Variants in QTMAN observed in about 807,000 individuals in gnomAD.
QTMAN encodes the protein tRNA-queuosine alpha-mannosyltransferase.
chr2:144,329,030 G>A, the QTMAN span, among the ~76,000 whole-genome samples: 7 of 151,788 alleles, frequency 4.6e-5, no homozygotes, highest in East Asian at 1.9e-4. Context: ...AAGCCAAGGC[G>A]GGCGATCGAG....
chr2:144,134,838 G>A, the QTMAN span, among the ~76,000 whole-genome samples: 2 of 151,546 alleles, frequency 1.3e-5, no homozygotes, highest in South Asian at 4.2e-4. Context: ...TAAACAAGTG[G>A]GTGTTTTTTT....
chr2:144,132,069 A>G, the QTMAN span, among the ~76,000 whole-genome samples: 2 of 151,934 alleles, frequency 1.3e-5, no homozygotes, highest in Admixed American at 6.6e-5. Flanking sequence ...GTGAATATTC[A>G]CCTGAATATG....
the QTMAN span, among the ~76,000 whole-genome samples, chr2:143,991,539 C>T: frequency 1.2e-4 from 17 of 144,018 alleles, no homozygotes; most frequent in East Asian, 6.5e-4. Flanking sequence ...CCCGGCCAGC[C>T]GCCCCGTCCG....
chr2:143,994,308 G>T, the QTMAN span, among the ~76,000 whole-genome samples: 1 of 152,006 alleles, frequency 6.6e-6, no homozygotes, highest in Non-Finnish European at 1.5e-5. Flanking sequence ...AAATTAGTAG[G>T]TATTTAAAAT....
chr2:144,310,853 T>C, the QTMAN span, among the ~76,000 whole-genome samples: 1 of 152,212 alleles, frequency 6.6e-6, no homozygotes, highest in African/African-American at 2.4e-5. Context: ...AATATCCATA[T>C]GGAGATGTCA....
At chr2:143,960,671 A>G in the QTMAN span, among the ~76,000 whole-genome samples, 8 of 152,110 alleles carry the variant, frequency 5.3e-5, no homozygotes, top group African/African-American at 1.9e-4. Context: ...TGACAGGATA[A>G]AAAACACACA....
chr2:144,133,817 A>G, the QTMAN span, among the ~76,000 whole-genome samples: 1 of 151,742 alleles, frequency 6.6e-6, no homozygotes, highest in African/African-American at 2.4e-5. Context: ...AATTATTCTG[A>G]AGAGCCAAAA....
the QTMAN span, among the ~76,000 whole-genome samples, chr2:144,162,530 GC>G: frequency 6.6e-6 from 1 of 152,082 alleles, no homozygotes. Context: ...CCCAGAAGGT[GC>G]CTATAGAATA....
At chr2:144,169,181 ACACC>A in the QTMAN span, among the ~76,000 whole-genome samples, 2 of 152,152 alleles carry the variant, frequency 1.3e-5, no homozygotes, top group Non-Finnish European at 2.9e-5. Context: ...TGCCTAAGGC[ACACC>A]CAAGACCATT....
the QTMAN span, chr2:143,957,338 A>G: frequency 3.7e-5 from 59 of 1,578,022 alleles, no homozygotes; most frequent in African/African-American, 7.7e-4. Flanking sequence ...CTGAAAAAAT[A>G]TCTTTTAAAA....
At chr2:144,288,142 T>C in the QTMAN span, among the ~76,000 whole-genome samples, 12 of 152,164 alleles carry the variant, frequency 7.9e-5, no homozygotes, top group African/African-American at 2.7e-4. Context: ...GTGCTGGGAT[T>C]ACAGGCGTGA....
the QTMAN span, among the ~76,000 whole-genome samples, chr2:144,172,594 A>G: frequency 6.8e-6 from 1 of 147,104 alleles, no homozygotes; most frequent in Non-Finnish European, 1.5e-5. Flanking sequence ...ACTACACTCC[A>G]GCCTGGGTGA....
At chr2:144,306,271 T>C in the QTMAN span, among the ~76,000 whole-genome samples, 2 of 152,230 alleles carry the variant, frequency 1.3e-5, no homozygotes, top group Admixed American at 6.5e-5. Flanking sequence ...TCATGACCTT[T>C]ATACCAAAAT....
chr2:144,041,963 A>C, the QTMAN span, among the ~76,000 whole-genome samples: 2 of 152,132 alleles, frequency 1.3e-5, no homozygotes, highest in Admixed American at 1.3e-4. Flanking sequence ...AAGCACTAGG[A>C]GAGAAGAGGA....
the QTMAN span, among the ~76,000 whole-genome samples, chr2:144,256,676 A>T: frequency 6.6e-6 from 1 of 152,232 alleles, no homozygotes; most frequent in African/African-American, 2.4e-5. Flanking sequence ...CAGGGAGGGG[A>T]ACATCACACA....
the QTMAN span, among the ~76,000 whole-genome samples, chr2:144,167,555 C>A: frequency 0.046 from 6,942 of 152,106 alleles, 528 homozygotes; most frequent in African/African-American, 0.16. Context: ...ATGCTGTTCT[C>A]GTGATAATGA....
At chr2:144,298,473 T>G in the QTMAN span, among the ~76,000 whole-genome samples, 1 of 152,232 alleles carries the variant, frequency 6.6e-6, no homozygotes, top group Non-Finnish European at 1.5e-5. Flanking sequence ...GTTTATTGTA[T>G]TGTATTGTTT....
the QTMAN span, among the ~76,000 whole-genome samples, chr2:144,065,012 C>T: frequency 6.6e-6 from 1 of 152,152 alleles, no homozygotes; most frequent in East Asian, 1.9e-4. Context: ...AGGAAGATAA[C>T]AAGAATGCAC....
the QTMAN span, among the ~76,000 whole-genome samples, chr2:143,965,179 G>A: frequency 6.6e-6 from 1 of 151,884 alleles, no homozygotes; most frequent in Non-Finnish European, 1.5e-5. Flanking sequence ...GTAATATGGA[G>A]TCTGATGCAG....
Sources: gnomAD v4.1 joint callset for allele counts (sites outside exome capture counted in the v4.1 genomes callset) on GRCh38, gnomAD v4.1.1 for gene constraint, MANE v1.5 for transcripts, NCBI Gene and HGNC (gene_info 2026-07-23, HGNC 2026-07-21) for gene names.